The following TMEM117 variants were observed in gnomAD, a reference collection of about 807,000 sequenced individuals.
TMEM117 encodes the protein transmembrane protein 117.
A neutral mutation model predicts 52.4 loss-of-function variants in TMEM117; 27 were observed. The ratio of observed to expected loss-of-function variants is 0.51; its 90% confidence interval spans 0.38 to 0.71. The LOEUF (loss-of-function observed/expected upper bound fraction) is 0.71. Among genes scored for constraint, TMEM117 ranks in the 30% least tolerant of loss-of-function variants. The probability of loss-of-function intolerance (pLI) is 0.00; values close to 1 mark genes in which losing one functional copy is unlikely to be tolerated. For missense variants in TMEM117, 556 were observed against 630.5 expected (o/e 0.88, Z 1.26); for synonymous variants, 215 against 206.3 (o/e 1.04, Z -0.36).
At chr12:43,848,771 G>A (rs1943256056) in intron 2 of TMEM117, among the ~76,000 whole-genome samples, 2 of 152,130 alleles carry the variant, frequency 1.3e-5, no homozygotes, top group African/African-American at 4.8e-5. Flanking sequence ...AATTATAAAA[G>A]TATTATTTGA....
At chr12:43,841,387 T>G (rs1459067930) in intron 1 of TMEM117, among the ~76,000 whole-genome samples, 1 of 152,226 alleles carries the variant, frequency 6.6e-6, no homozygotes, top group Non-Finnish European at 1.5e-5. Context: ...TGAGCCTTTG[T>G]TTTCTTCCCT....
chr12:44,345,892 C>G (rs1436212421), intron 6 of TMEM117, among the ~76,000 whole-genome samples: 1 of 152,056 alleles, frequency 6.6e-6, no homozygotes, highest in Admixed American at 6.6e-5. Context: ...ACAGTGTAAT[C>G]TCTTATCCTC....
At chr12:44,379,541 G>A (rs1350803447) in intron 7 of TMEM117, among the ~76,000 whole-genome samples, 1 of 152,270 alleles carries the variant, frequency 6.6e-6, no homozygotes, top group Non-Finnish European at 1.5e-5. Context: ...TCTTGCTTTT[G>A]TTCTGTTTCT....
intron 5 of TMEM117, among the ~76,000 whole-genome samples, chr12:44,224,017 T>C (rs531065490): frequency 6.6e-6 from 1 of 152,256 alleles, no homozygotes; most frequent in Admixed American, 6.6e-5. Flanking sequence ...TGTACTCTCC[T>C]TTTTTGGTAA....
intron 2 of TMEM117, among the ~76,000 whole-genome samples, chr12:43,933,403 G>A (rs150820419): frequency 1.1e-3 from 169 of 151,800 alleles, no homozygotes; most frequent in African/African-American, 2.7e-3. Context: ...GGGTTTCACC[G>A]TGTTTGCCAG....
At chr12:43,865,712 G>GA (rs55929506) in intron 2 of TMEM117, among the ~76,000 whole-genome samples, 7,073 of 132,520 alleles carry the variant, frequency 0.053, 225 homozygotes, top group Middle Eastern at 0.14. Flanking sequence ...AAGAAAAAAA[G>GA]AAAAAAAAAA....
upstream of TMEM117, among the ~76,000 whole-genome samples, chr12:43,835,052 T>A (rs997153359): frequency 1.7e-4 from 26 of 152,186 alleles, no homozygotes; most frequent in Admixed American, 2.0e-4. Context: ...AGAAATCCTA[T>A]TTTCCATTTG....
chr12:44,083,389 G>GTTTTTTTTTT (rs1160025038), intron 3 of TMEM117, among the ~76,000 whole-genome samples: 4 of 80,396 alleles, frequency 5.0e-5, no homozygotes, highest in Non-Finnish European at 7.1e-5. Flanking sequence ...GGTATTGTTA[G>GTTTTTTTTTT]TTTTTTTTTT....
At chr12:43,939,965 GCTC>G (rs1480468445) in intron 2 of TMEM117, among the ~76,000 whole-genome samples, 3 of 152,284 alleles carry the variant, frequency 2.0e-5, no homozygotes, top group Middle Eastern at 3.4e-3. Flanking sequence ...AAAACCGTCA[GCTC>G]TCATGAGACT....
At chr12:44,309,224 C>CT (rs1950942311) in intron 6 of TMEM117, among the ~76,000 whole-genome samples, 1 of 152,162 alleles carries the variant, frequency 6.6e-6, no homozygotes, top group Non-Finnish European at 1.5e-5. Flanking sequence ...AGTTTTACAG[C>CT]TGAAGCCCAG....
intron 3 of TMEM117, among the ~76,000 whole-genome samples, chr12:44,055,731 T>C (rs1412537627): frequency 6.6e-6 from 1 of 152,194 alleles, no homozygotes; most frequent in Non-Finnish European, 1.5e-5. Flanking sequence ...ACATATTGAA[T>C]ACTATACAGA....
intron 5 of TMEM117, among the ~76,000 whole-genome samples, chr12:44,291,269 A>G (rs1169766716): frequency 1.4e-5 from 2 of 147,942 alleles, no homozygotes; most frequent in Admixed American, 1.3e-4. Context: ...GATTGTTTTG[A>G]TTCTTTTTAG....
chr12:44,062,831 C>T (rs918620994), intron 3 of TMEM117, among the ~76,000 whole-genome samples: 6 of 152,160 alleles, frequency 3.9e-5, no homozygotes, highest in Non-Finnish European at 8.8e-5. Context: ...AGTGCTAAGA[C>T]AAGAAACTGC....
At chr12:44,133,427 T>C (rs1446469398) in intron 3 of TMEM117, among the ~76,000 whole-genome samples, 1 of 152,218 alleles carries the variant, frequency 6.6e-6, no homozygotes, top group East Asian at 1.9e-4. Context: ...CTGAGTTATT[T>C]GGAGGAACTC....
At chr12:43,883,489 G>C (rs1012087048) in intron 2 of TMEM117, among the ~76,000 whole-genome samples, 4 of 152,112 alleles carry the variant, frequency 2.6e-5, no homozygotes, top group African/African-American at 7.2e-5. Flanking sequence ...GAAACAGTAA[G>C]ACAGTTAAAA....
chr12:44,193,700 A>G (rs369364709), intron 4 of TMEM117, among the ~76,000 whole-genome samples: 1 of 152,256 alleles, frequency 6.6e-6, no homozygotes, highest in African/African-American at 2.4e-5. Flanking sequence ...CTGAGAATTC[A>G]TAATATTCTG....
At chr12:44,148,977 AC>A (rs1164571138) in intron 4 of TMEM117, among the ~76,000 whole-genome samples, 1 of 152,084 alleles carries the variant, frequency 6.6e-6, no homozygotes, top group Non-Finnish European at 1.5e-5. Flanking sequence ...TCCTCTCCCT[AC>A]CCCACCTCAA....
At chr12:44,097,415 C>T (rs1169876983) in intron 3 of TMEM117, among the ~76,000 whole-genome samples, 3 of 151,770 alleles carry the variant, frequency 2.0e-5, no homozygotes, top group African/African-American at 4.9e-5. Flanking sequence ...GACATGCACA[C>T]GTATGTTTAT....
At chr12:43,815,782 G>A in the TMEM117 span, among the ~76,000 whole-genome samples, 1 of 152,156 alleles carries the variant, frequency 6.6e-6, no homozygotes, top group African/African-American at 2.4e-5. Context: ...AAACAACACT[G>A]TCAGCCATCA....
Sources: allele counts gnomAD v4.1 joint callset (sites outside exome capture counted in the v4.1 genomes callset), GRCh38; gene constraint gnomAD v4.1.1; transcripts MANE v1.5; gene names NCBI Gene and HGNC (gene_info 2026-07-23, HGNC 2026-07-21).